Variants in CHCHD6 observed in about 807,000 individuals in gnomAD.
CHCHD6 encodes coiled-coil-helix-coiled-coil-helix domain containing 6.
In CHCHD6, 28 loss-of-function variants were observed where a neutral mutation model predicts 32.3. The observed-to-expected ratio is 0.87, with a 90% CI of 0.64 to 1.19. The LOEUF (loss-of-function observed/expected upper bound fraction) is 1.19. Ranked by LOEUF, CHCHD6 falls within the 50% of genes most tolerant of loss-of-function variation. The probability of loss-of-function intolerance (pLI) is 0.00; values close to 1 mark genes in which losing one functional copy is unlikely to be tolerated. For synonymous variants in CHCHD6, 122 were observed against 117.5 expected (o/e 1.04, Z -0.25); for missense variants, 333 against 307.0 (o/e 1.08, Z -0.63).
At chr3:126,925,921 C>T (rs2078317527) in intron 6 of CHCHD6, among the ~76,000 whole-genome samples, 1 of 152,192 alleles carries the variant, frequency 6.6e-6, no homozygotes, top group Non-Finnish European at 1.5e-5. Context: ...TCAGTCCAGT[C>T]AGCCTTTCCT....
At chr3:126,739,629 T>C (rs772026676) in intron 4 of CHCHD6, among the ~76,000 whole-genome samples, 1 of 152,244 alleles carries the variant, frequency 6.6e-6, no homozygotes, top group Non-Finnish European at 1.5e-5. Context: ...TCTTCTGATA[T>C]GTAAAATGAG....
intron 4 of CHCHD6, among the ~76,000 whole-genome samples, chr3:126,799,356 G>C (rs1296503389): frequency 6.6e-6 from 1 of 152,164 alleles, no homozygotes; most frequent in African/African-American, 2.4e-5. Flanking sequence ...GATGAGAATT[G>C]CTAGGATAGG....
intron 4 of CHCHD6, among the ~76,000 whole-genome samples, chr3:126,806,922 A>T (rs1006398361): frequency 2.0e-5 from 3 of 151,874 alleles, no homozygotes; most frequent in African/African-American, 7.3e-5. Flanking sequence ...ACTGGAAATC[A>T]TCATTCTCAG....
At chr3:126,941,180 A>G (rs1196382511) in intron 6 of CHCHD6, among the ~76,000 whole-genome samples, 1 of 152,186 alleles carries the variant, frequency 6.6e-6, no homozygotes, top group African/African-American at 2.4e-5. Flanking sequence ...TGTTGTTCCA[A>G]ATAGCCTCCC....
chr3:126,804,226 G>A (rs1288038751), intron 4 of CHCHD6, among the ~76,000 whole-genome samples: 1 of 152,120 alleles, frequency 6.6e-6, no homozygotes, highest in East Asian at 1.9e-4. Flanking sequence ...AGCAGAACTG[G>A]AGGAAATAGA....
intron 4 of CHCHD6, among the ~76,000 whole-genome samples, chr3:126,818,509 A>C (rs1160450075): frequency 6.6e-6 from 1 of 152,194 alleles, no homozygotes; most frequent in African/African-American, 2.4e-5. Flanking sequence ...TTAAGAGGAA[A>C]TCAGCGAAGG....
intron 2 of CHCHD6, among the ~76,000 whole-genome samples, chr3:126,728,441 G>A (rs1935641258): frequency 1.3e-5 from 2 of 152,200 alleles, no homozygotes; most frequent in South Asian, 2.1e-4. Context: ...GGGCCTAGAA[G>A]CATTGCCCAG....
At chr3:126,933,691 C>T (rs746501258) in intron 6 of CHCHD6, among the ~76,000 whole-genome samples, 11 of 152,172 alleles carry the variant, frequency 7.2e-5, no homozygotes, top group Non-Finnish European at 1.5e-4. Context: ...ACCCAGACAC[C>T]TCCCACCAGA....
At chr3:126,745,535 C>G (rs1936460990) in intron 4 of CHCHD6, among the ~76,000 whole-genome samples, 1 of 152,140 alleles carries the variant, frequency 6.6e-6, no homozygotes, top group Non-Finnish European at 1.5e-5. Context: ...ACACGGGTGA[C>G]TAATAGAGTC....
At chr3:126,767,491 T>C (rs1170637883) in intron 4 of CHCHD6, 1 of 575,204 alleles carries the variant, frequency 1.7e-6, no homozygotes, top group Non-Finnish European at 3.2e-6. Flanking sequence ...TTTCCTCCCA[T>C]GCCTGTTAGG....
rs190149270 is a variant in CHCHD6, at chr3:126,800,637, G to A, written c.412-52010G>A. Among the ~76,000 whole-genome samples the A allele has an allele frequency of 2.1e-3, 324 of 152,330 alleles. 3 individuals are homozygous for A. The highest frequency in any genetic ancestry group is 6.5e-3 in the African/African-American group (270 of 41,574). The stretch of plus-strand genomic sequence containing the variant: ...TTATCTCCTTCCCACCAGCAGATCA[G>A]TGGTTTATCCTCCAGGTTATCCCCC... On this transcript the variant is annotated intron_variant, in intron 4 of 7. Coordinates refer to ENST00000290913, the MANE Select transcript of CHCHD6 (RefSeq NM_032343.3).
At chr3:126,959,055 C>T (rs972666884) in intron 7 of CHCHD6, among the ~76,000 whole-genome samples, 5 of 152,234 alleles carry the variant, frequency 3.3e-5, no homozygotes, top group African/African-American at 1.2e-4. Flanking sequence ...CCATCCAGCC[C>T]CACCTCTGTG....
chr3:126,814,554 A>G (rs1476434926), intron 4 of CHCHD6, among the ~76,000 whole-genome samples: 2 of 152,220 alleles, frequency 1.3e-5, no homozygotes, highest in Non-Finnish European at 2.9e-5. Flanking sequence ...AATCATGCCT[A>G]TGAAATGATG....
Position 126,787,100 on chromosome 3 carries a change from G to C in CHCHD6, c.411+53878G>C, listed in dbSNP as rs1938254614. On this transcript the variant is annotated intron_variant, in intron 4 of 7. Coordinates refer to ENST00000290913, the MANE Select transcript of CHCHD6 (RefSeq NM_032343.3). ...ATAGGGAATCCTTTCCCCATTTCTTGTTTTTGTCAGGTTTGTCAAAGATCA... is the reference window on the plus strand; with the variant it reads ...ATAGGGAATCCTTTCCCCATTTCTTCTTTTTGTCAGGTTTGTCAAAGATCA... 3.9e-5 allele frequency among the ~76,000 whole-genome samples: 6 copies of C among 152,282 alleles called. No homozygotes were observed. The South Asian group carries it at 1.2e-3, about 32-fold the overall frequency.
At chr3:126,787,922 T>C (rs1170274755) in intron 4 of CHCHD6, among the ~76,000 whole-genome samples, 2 of 152,216 alleles carry the variant, frequency 1.3e-5, no homozygotes, top group East Asian at 1.9e-4. Context: ...AAGGGAATGC[T>C]TCCAGTTTTT....
chr3:126,779,407 C>T (rs1041393991), intron 4 of CHCHD6, among the ~76,000 whole-genome samples: 29 of 151,980 alleles, frequency 1.9e-4, no homozygotes, highest in African/African-American at 4.8e-4. Flanking sequence ...CATGGTGGCG[C>T]GTGCCTGTAC....
At chr3:126,726,427 A>G (rs555325806) in intron 1 of CHCHD6, among the ~76,000 whole-genome samples, 40 of 152,342 alleles carry the variant, frequency 2.6e-4, no homozygotes, top group African/African-American at 9.6e-4. Context: ...AGATATAACA[A>G]TGAAAAAGCT....
At chr3:126,732,249 C>T (rs146361150) in intron 3 of CHCHD6, among the ~76,000 whole-genome samples, 9 of 152,218 alleles carry the variant, frequency 5.9e-5, no homozygotes, top group Non-Finnish European at 1.0e-4. Flanking sequence ...AAGACAACCA[C>T]TGTTAATATT....
chr3:126,794,951 T>C lies in CHCHD6; in HGVS notation c.412-57696T>C, dbSNP rs965394749. Among the ~76,000 whole-genome samples, 7 of 152,228 alleles carry C rather than the reference T, an allele frequency of 4.6e-5. No homozygotes were observed. The East Asian group carries it at 1.3e-3, about 29-fold the overall frequency. ...ACTGAGCTGTATCTGGAGAGCCACA[T>C]CAACGGATAGATTTGGTCCTCTGGT... On this transcript the variant is annotated intron_variant, in intron 4 of 7. Coordinates refer to ENST00000290913, the MANE Select transcript of CHCHD6 (RefSeq NM_032343.3).
Sources: allele counts gnomAD v4.1 joint callset (sites outside exome capture counted in the v4.1 genomes callset), GRCh38; gene constraint gnomAD v4.1.1; transcripts MANE v1.5; gene names NCBI Gene and HGNC (gene_info 2026-07-23, HGNC 2026-07-21).